NRXN3: variants seen among roughly 807,000 people sequenced by gnomAD.
NRXN3 encodes neurexin III.
A neutral mutation model predicts 137.6 loss-of-function variants in NRXN3; 32 were observed. The ratio of observed to expected loss-of-function variants is 0.23; its 90% confidence interval spans 0.18 to 0.31. The LOEUF is 0.31. Ranked by LOEUF, NRXN3 falls within the 10% of genes least tolerant of loss-of-function variation. The probability of loss-of-function intolerance (pLI) is 1.00; values close to 1 mark genes in which losing one functional copy is unlikely to be tolerated. For missense variants in NRXN3, 1,574 were observed against 2,062.5 expected, an observed-to-expected ratio of 0.76 and a Z score of 4.59; for synonymous variants, 798 against 784.5, an observed-to-expected ratio of 1.02 and a Z score of -0.29.
intron 20 of NRXN3, among the ~76,000 whole-genome samples, chr14:79,847,880 CTTT>C (rs72525147): frequency 2.1e-4 from 29 of 138,194 alleles, no homozygotes; most frequent in Non-Finnish European, 4.4e-4. Flanking sequence ...GCCAGGAATT[CTTT>C]TTTTTTTTTT....
rs1555565675 is a variant in NRXN3 at position 79,617,923 on chromosome 14, A to AAAAAAACAAAAAAAACAAAAAAAAC, written c.3445-45849_3445-45848insCAAAAAAAACAAAAAAAACAAAAAA. ...GATAGGAGCTGAATAGCAGCAAAAAAAAAAAAAAACATGCTTATGAAGAGC... is the reference window on the plus strand; with the variant it reads ...GATAGGAGCTGAATAGCAGCAAAAAAAAAAAACAAAAAAAACAAAAAAAACAAAAAAAAACATGCTTATGAAGAGC... On this transcript the variant is annotated intron_variant, in intron 16 of 20. Coordinates refer to ENST00000335750, the MANE Select transcript of NRXN3 (RefSeq NM_001330195.2). 5.3e-5 allele frequency among the ~76,000 whole-genome samples: 8 copies of AAAAAAACAAAAAAAACAAAAAAAAC among 149,756 alleles called. 1 individual carries two copies. Among genetic ancestry groups the AAAAAAACAAAAAAAACAAAAAAAAC allele is most frequent in the African/African-American group, 2.0e-4 (8 of 39,444 alleles).
chr14:79,011,140 A>G (rs1253395517), intron 15 of NRXN3, among the ~76,000 whole-genome samples: 3 of 152,182 alleles, frequency 2.0e-5, no homozygotes, highest in African/African-American at 7.2e-5. Context: ...GGAGGATAAT[A>G]AAAGGAGTTG....
chr14:78,314,611 A>G (rs2078338973), intron 4 of NRXN3, among the ~76,000 whole-genome samples: 2 of 152,170 alleles, frequency 1.3e-5, no homozygotes, highest in African/African-American at 4.8e-5. Context: ...ATCCCATCCA[A>G]TTGCAAAGGA....
chr14:78,208,072 G>T (rs181013862), intron 1 of NRXN3, among the ~76,000 whole-genome samples: 101 of 152,194 alleles, frequency 6.6e-4, no homozygotes, highest in African/African-American at 2.4e-3. Context: ...TAATCTGTCT[G>T]TTCTTCAATT....
At chr14:79,805,289 A>G in intron 20 of NRXN3, 99 bp downstream of exon 20, 2 of 755,004 alleles carry the variant, frequency 2.6e-6, no homozygotes, top group East Asian at 5.4e-5. Flanking sequence ...TATATAGATT[A>G]TAGTGTGTTA....
intron 8 of NRXN3, among the ~76,000 whole-genome samples, chr14:78,746,955 G>A (rs967695619): frequency 2.0e-5 from 3 of 152,170 alleles, no homozygotes; most frequent in Non-Finnish European, 4.4e-5. Context: ...ATGGATGCCT[G>A]GCTCTGGGCT....
chr14:78,380,926 C>T (rs1005770287), intron 4 of NRXN3, among the ~76,000 whole-genome samples: 1 of 151,732 alleles, frequency 6.6e-6, no homozygotes, highest in African/African-American at 2.4e-5. Context: ...TATATAGATA[C>T]AGTAATCAAG....
intron 15 of NRXN3, among the ~76,000 whole-genome samples, chr14:79,275,805 G>T (rs912403356): frequency 6.6e-6 from 1 of 151,964 alleles, no homozygotes; most frequent in Non-Finnish European, 1.5e-5. Context: ...TAATATAGGG[G>T]TTTTTTAAAA....
chr14:79,119,895 G>A (rs1596167770), intron 15 of NRXN3, among the ~76,000 whole-genome samples: 1 of 151,890 alleles, frequency 6.6e-6, no homozygotes, highest in African/African-American at 2.4e-5. Flanking sequence ...AAACATACAT[G>A]TTCATATATT....
intron 15 of NRXN3, among the ~76,000 whole-genome samples, chr14:79,425,960 G>A (rs1244369231): frequency 6.6e-6 from 1 of 152,078 alleles, no homozygotes; most frequent in Non-Finnish European, 1.5e-5. Context: ...GATAGAAAGA[G>A]AGAGCAGAGA....
intron 6 of NRXN3, among the ~76,000 whole-genome samples, chr14:78,680,290 C>G (rs1033960744): frequency 6.6e-6 from 1 of 152,080 alleles, no homozygotes; most frequent in Non-Finnish European, 1.5e-5. Flanking sequence ...AGGCTTAATA[C>G]TTGGTGATGA....
chr14:78,336,619 C>T (rs1358748522), intron 4 of NRXN3, among the ~76,000 whole-genome samples: 1 of 152,142 alleles, frequency 6.6e-6, no homozygotes, highest in African/African-American at 2.4e-5. Context: ...TGGACATCCT[C>T]TGCTCATTGT....
At chr14:79,091,010 A>G (rs2049059403) in intron 15 of NRXN3, among the ~76,000 whole-genome samples, 1 of 151,958 alleles carries the variant, frequency 6.6e-6, no homozygotes, top group South Asian at 2.1e-4. Flanking sequence ...TGTCTGTATT[A>G]CGAGAACTCG....
intron 15 of NRXN3, among the ~76,000 whole-genome samples, chr14:79,447,870 C>T (rs2096090419): frequency 6.6e-6 from 1 of 152,232 alleles, no homozygotes. Flanking sequence ...ATATCCTGAG[C>T]TCATACATGT....
chr14:78,500,282 C>A lies in NRXN3; in HGVS notation c.758-144838C>A, dbSNP rs558802536. ...TTTTTCTCCCCTTATAAATAGAAAC[C>A]TGTCCTTCCATGAATGAATGCTACA... On this transcript the variant is annotated intron_variant, in intron 4 of 20. Coordinates refer to ENST00000335750, the MANE Select transcript of NRXN3 (RefSeq NM_001330195.2). 5.3e-5 allele frequency among the ~76,000 whole-genome samples: 8 copies of A among 152,198 alleles called. 1 individual carries two copies. In the East Asian group the frequency reaches 1.6e-3, roughly 30 times the overall value.
Position 79,864,280 on chromosome 14 carries a change from T to C in NRXN3, c.*2316T>C, listed in dbSNP as rs987527643. On this transcript the variant is annotated 3_prime_UTR_variant, in exon 21 of 21. Coordinates refer to ENST00000335750, the MANE Select transcript of NRXN3 (RefSeq NM_001330195.2). ...GCATTCTCTATGTGAGCTTCTATCA[T>C]ATTCCTGTTTTATTAGCAGAACCTA... 6.5e-6 allele frequency: 1 copy of C among 152,712 alleles called. No homozygotes were observed. The highest frequency in any genetic ancestry group is 2.4e-5 in the African/African-American group (1 of 41,486). The allele number at this position is 152,712 out of a possible 1,614,324, so 9.5% of individuals were successfully genotyped here.
chr14:78,419,957 G>GCGCA (rs1371938439), intron 4 of NRXN3, among the ~76,000 whole-genome samples: 1 of 48,058 alleles, frequency 2.1e-5, no homozygotes, highest in African/African-American at 8.9e-5. Flanking sequence ...GCGCGCGCGC[G>GCGCA]CACGCACACA....
intron 15 of NRXN3, among the ~76,000 whole-genome samples, chr14:79,425,496 G>T (rs781541414): frequency 3.9e-5 from 6 of 152,094 alleles, no homozygotes; most frequent in African/African-American, 7.2e-5. Context: ...CTATCAGTCA[G>T]ATTTATAATA....
intron 4 of NRXN3, among the ~76,000 whole-genome samples, chr14:78,309,415 C>T (rs543743604): frequency 3.3e-5 from 5 of 151,804 alleles, no homozygotes; most frequent in South Asian, 2.1e-4. Flanking sequence ...GCATTGTACC[C>T]GATAGGTAGT....
Sources: allele counts gnomAD v4.1 joint callset (sites outside exome capture counted in the v4.1 genomes callset), GRCh38; gene constraint gnomAD v4.1.1; transcripts MANE v1.5; gene names NCBI Gene and HGNC (gene_info 2026-07-23, HGNC 2026-07-21).